CHD2: variants seen among roughly 807,000 people sequenced by gnomAD.
CHD2 encodes the protein chromodomain helicase DNA binding protein 2.
Under a neutral mutation model 243.9 loss-of-function variants are expected in CHD2, and 28 were observed. The ratio of observed to expected loss-of-function variants is 0.11; its 90% confidence interval spans 0.09 to 0.16. CHD2 has a LOEUF of 0.16. Ranked by LOEUF, CHD2 falls within the 10% of genes least tolerant of loss-of-function variation. The probability of loss-of-function intolerance (pLI) is 1.00; values close to 1 mark genes in which losing one functional copy is unlikely to be tolerated. For synonymous variants in CHD2, 775 were observed against 779.0 expected (o/e 0.99, Z 0.09); for missense variants, 1,386 against 2,209.8 (o/e 0.63, Z 7.47).
intron 16 of CHD2, among the ~76,000 whole-genome samples, chr15:92,961,279 T>G (rs1015184061): frequency 1.7e-5 from 1 of 57,490 alleles, no homozygotes; most frequent in African/African-American, 3.7e-5. Flanking sequence ...CAGGTTCACT[T>G]AAGTTTTCTA....
intron 19 of CHD2, 174 bp from the exon 20 acceptor site, chr15:92,974,705 C>T (rs541152376): frequency 1.9e-5 from 10 of 535,694 alleles, no homozygotes; most frequent in African/African-American, 1.2e-4. Context: ...GAGCTCAGGT[C>T]GAGTAGGGTA....
rs2053020140 is a variant in CHD2 at position 92,924,527 on chromosome 15, A to C, written c.269A>C (p.Lys90Thr). The C allele has an allele frequency of 6.2e-7, 1 of 1,614,050 alleles. No homozygotes were observed. The highest frequency in any genetic ancestry group is 1.7e-5 in the Admixed American group (1 of 60,010). The change falls in exon 3 of 39, where the codon AAG becomes ACG. Residue 90 changes from lysine (K) to threonine (T), a missense_variant. Coordinates refer to ENST00000394196, the MANE Select transcript of CHD2 (RefSeq NM_001271.4). ...PEAKEKPASK[K>T]ERIADVKKMW... The stretch of plus-strand genomic sequence containing the variant: ...GCCAAAGAGAAGCCAGCCTCTAAGA[A>C]GGAACGGATAGCTGATGTGAAGAAG...
At position 92,984,310 on chromosome 15, in the gene CHD2, A is replaced by T; in HGVS notation, c.3067-20A>T. The T allele has an allele frequency of 6.6e-7, 1 of 1,516,300 alleles. No homozygotes were observed. The highest frequency in any genetic ancestry group is 8.8e-7 in the Non-Finnish European group (1 of 1,130,458). 93.9% of individuals were successfully genotyped at this position (1,516,300 alleles called of 1,614,324 possible). A position where few individuals can be genotyped will look rare whatever the true frequency, so the allele number is the denominator to read the frequency against. ...GTTTAGAAATAGGGAAATGTCAGAC[A>T]ATGGGTTGTCTGTTTTAAGGTTGCC... On this transcript the variant is annotated intron_variant, in intron 24 of 38. Coordinates refer to ENST00000394196, the MANE Select transcript of CHD2 (RefSeq NM_001271.4).
chr15:92,946,400 A>T (rs963677782), intron 12 of CHD2, 184 bp downstream of exon 12: 1 of 441,954 alleles, frequency 2.3e-6, no homozygotes, highest in Non-Finnish European at 4.0e-6. Context: ...GGCTTTGCTG[A>T]CTTGTTTAAT....
At position 92,901,149 on chromosome 15, in the gene CHD2, T is replaced by A. The variant is rs2052523404; in HGVS notation, c.-71-18T>A. 1 of 767,478 alleles carries A rather than the reference T, an allele frequency of 1.3e-6. No homozygotes were observed. The highest frequency in any genetic ancestry group is 2.2e-5 in the Admixed American group (1 of 45,168). The allele number at this position is 767,478 out of a possible 1,614,324, so 47.5% of individuals were successfully genotyped here. A position where few individuals can be genotyped will look rare whatever the true frequency, so the allele number is the denominator to read the frequency against. ...TCGATAGAAGCCGGGACCTTACCTTTCTTTCAACTTTTGACAGTAAATACC... is the reference window on the plus strand; with the variant it reads ...TCGATAGAAGCCGGGACCTTACCTTACTTTCAACTTTTGACAGTAAATACC... On this transcript the variant is annotated intron_variant, in intron 1 of 38. Transcript: ENST00000394196.
chr15:92,902,157 T>C, intron 2 of CHD2: 4 of 397,952 alleles, frequency 1.0e-5, no homozygotes, highest in Non-Finnish European at 1.8e-5. Flanking sequence ...TTTAAATTTA[T>C]TGATGTATTT....
At chr15:92,935,418 C>T (rs890357131) in intron 5 of CHD2, among the ~76,000 whole-genome samples, 1 of 152,204 alleles carries the variant, frequency 6.6e-6, no homozygotes, top group African/African-American at 2.4e-5. Flanking sequence ...CTGGAAAACT[C>T]TAGCCTCAAC....
At chr15:92,909,239 C>G (rs910614255) in intron 2 of CHD2, among the ~76,000 whole-genome samples, 13 of 152,188 alleles carry the variant, frequency 8.5e-5, no homozygotes, top group African/African-American at 2.6e-4. Context: ...CCTTAGTGTA[C>G]TCTCCTTACA....
intron 26 of CHD2, among the ~76,000 whole-genome samples, chr15:92,987,476 C>T (rs193122088): frequency 7.2e-5 from 11 of 151,958 alleles, no homozygotes; most frequent in African/African-American, 1.7e-4. Flanking sequence ...TGGTACACAC[C>T]TGCAGTCCCA....
chr15:92,981,294 T>C, intron 23 of CHD2, 71 bp from the exon 24 acceptor site: 1 of 1,027,410 alleles, frequency 9.7e-7, no homozygotes, highest in East Asian at 2.5e-5. Flanking sequence ...TAAATACGAA[T>C]AATTTCTGGG....
intron 34 of CHD2, among the ~76,000 whole-genome samples, chr15:93,007,770 C>T (rs1596454105): frequency 6.6e-6 from 1 of 152,260 alleles, no homozygotes; most frequent in African/African-American, 2.4e-5. Context: ...GGATATTGGT[C>T]CCTAATTTTA....
chr15:92,960,713 T>TTTTG (rs2053675023), intron 16 of CHD2, among the ~76,000 whole-genome samples: 1 of 140,942 alleles, frequency 7.1e-6, no homozygotes, highest in Admixed American at 7.0e-5. Flanking sequence ...GTGTTTTTTT[T>TTTTG]TTTTTTTTTT....
At chr15:92,974,354 G>A (rs980394305) in intron 19 of CHD2, among the ~76,000 whole-genome samples, 1 of 152,048 alleles carries the variant, frequency 6.6e-6, no homozygotes, top group South Asian at 2.1e-4. Context: ...TGGCAAAGCT[G>A]GGATATATGA....
chr15:92,994,327 G>A (rs886254467), intron 28 of CHD2, among the ~76,000 whole-genome samples: 1 of 152,116 alleles, frequency 6.6e-6, no homozygotes, highest in Non-Finnish European at 1.5e-5. Context: ...GGCTTGCAAT[G>A]TTAGCTGTTA....
intron 2 of CHD2, among the ~76,000 whole-genome samples, chr15:92,923,566 T>G (rs1307310209): frequency 1.3e-5 from 2 of 149,002 alleles, no homozygotes; most frequent in Admixed American, 1.3e-4. Flanking sequence ...AGCTTGTTTT[T>G]TTTTTTTTTT....
chr15:92,904,654 C>T, intron 2 of CHD2: 1 of 1,270,512 alleles, frequency 7.9e-7, no homozygotes, highest in Non-Finnish European at 1.0e-6. Flanking sequence ...TGAGAAGCGG[C>T]TGCTTTTGGA....
chr15:93,006,017 A>G (rs780084762), intron 34 of CHD2, among the ~76,000 whole-genome samples: 4 of 152,174 alleles, frequency 2.6e-5, no homozygotes, highest in African/African-American at 9.7e-5. Context: ...ATTGATAAAT[A>G]TACCATGAAG....
chr15:92,979,040 C>G, intron 21 of CHD2, 95 bp from the exon 22 acceptor site: 1 of 1,486,400 alleles, frequency 6.7e-7, no homozygotes, highest in Non-Finnish European at 9.0e-7. Flanking sequence ...TAAAATTTTC[C>G]CCTCTTGGGT....
At chr15:93,011,762 G>A (rs767578357) in intron 35 of CHD2, among the ~76,000 whole-genome samples, 1 of 152,156 alleles carries the variant, frequency 6.6e-6, no homozygotes, top group Non-Finnish European at 1.5e-5. Context: ...TGGAATTGGA[G>A]GGAAAAAGCC....
Sources: allele counts gnomAD v4.1 joint callset (sites outside exome capture counted in the v4.1 genomes callset), GRCh38; gene constraint gnomAD v4.1.1; transcripts MANE v1.5; gene names NCBI Gene and HGNC (gene_info 2026-07-23, HGNC 2026-07-21).